Variants in AMPH observed in about 807,000 individuals in gnomAD.
AMPH encodes the protein amphiphysin, also known as amphiphysin (Stiff-Mann syndrome with breast cancer 128kD autoantigen).
A neutral mutation model predicts 99.1 loss-of-function variants in AMPH; 49 were observed. The observed-to-expected ratio is 0.49, with a 90% CI of 0.39 to 0.63. The LOEUF (loss-of-function observed/expected upper bound fraction) is 0.63, where lower values mean the gene tolerates loss of function less well. Ranked by LOEUF, AMPH falls within the 20% of genes least tolerant of loss-of-function variation. The pLI is 0.00. For missense variants in AMPH, 759 were observed against 863.4 expected, an observed-to-expected ratio of 0.88 and a Z score of 1.52; for synonymous variants, 314 against 317.3, an observed-to-expected ratio of 0.99 and a Z score of 0.11.
At chr7:38,413,878 C>T (rs116520445) in intron 17 of AMPH, among the ~76,000 whole-genome samples, 2,310 of 152,238 alleles carry the variant, frequency 0.015, 59 homozygotes, top group African/African-American at 0.053. Context: ...ACAGGGGAAA[C>T]GCTAGCTCTC....
intron 2 of AMPH, among the ~76,000 whole-genome samples, chr7:38,508,800 C>G (rs934558815): frequency 6.6e-6 from 1 of 152,148 alleles, no homozygotes; most frequent in Non-Finnish European, 1.5e-5. Flanking sequence ...GACAGGTTAA[C>G]TCAATCTTGA....
At chr7:38,620,533 A>G (rs1395956203) in intron 1 of AMPH, among the ~76,000 whole-genome samples, 1 of 127,264 alleles carries the variant, frequency 7.9e-6, no homozygotes, top group Admixed American at 7.9e-5. Flanking sequence ...CATCTATGCT[A>G]TATATATACA....
In AMPH at chr7:38,455,904, A is replaced by G. The variant is rs560957986; in HGVS notation, c.1017+5379T>C. 8.5e-5 allele frequency among the ~76,000 whole-genome samples: 13 copies of G among 152,356 alleles called. No individual in the cohort carries two copies. In the East Asian group the frequency reaches 9.7e-4, roughly 11 times the overall value. Reference sequence around the variant, plus strand: ...CAAGAAGGGAGAGGAGAGGCCTCGCACTTTCATGTACTGCTAGGAGAAATC... The same window carrying G: ...CAAGAAGGGAGAGGAGAGGCCTCGCGCTTTCATGTACTGCTAGGAGAAATC... On this transcript the variant is annotated intron_variant, in intron 11 of 20. Coordinates refer to ENST00000356264, the MANE Select transcript of AMPH (RefSeq NM_001635.4).
intron 5 of AMPH, among the ~76,000 whole-genome samples, chr7:38,481,514 T>G (rs1312805395): frequency 6.6e-6 from 1 of 152,126 alleles, no homozygotes; most frequent in Non-Finnish European, 1.5e-5. Flanking sequence ...CAAGATAGAA[T>G]CCAAACTATA....
chr7:38,590,791 T>G (rs1041774989), intron 1 of AMPH, among the ~76,000 whole-genome samples: 1 of 152,150 alleles, frequency 6.6e-6, no homozygotes, highest in African/African-American at 2.4e-5. Flanking sequence ...CTCTCAGAAG[T>G]TCCCTGGAAA....
At chr7:38,441,799 C>CAT (rs58453033) in intron 11 of AMPH, among the ~76,000 whole-genome samples, 1 of 21,612 alleles carries the variant, frequency 4.6e-5, no homozygotes, top group Non-Finnish European at 1.6e-4. Flanking sequence ...TCATATATAT[C>CAT]ATATATATAT....
At chr7:38,461,863 T>C (rs1787461503) in intron 10 of AMPH, among the ~76,000 whole-genome samples, 1 of 152,242 alleles carries the variant, frequency 6.6e-6, no homozygotes. Flanking sequence ...TTTTGAAAAG[T>C]AGAAAACTTT....
At chr7:38,484,581 T>TA (rs1221313496) in intron 5 of AMPH, among the ~76,000 whole-genome samples, 4 of 152,022 alleles carry the variant, frequency 2.6e-5, no homozygotes, top group Non-Finnish European at 4.4e-5. Flanking sequence ...GCCTACCTTA[T>TA]AAAAAATGCT....
intron 11 of AMPH, among the ~76,000 whole-genome samples, chr7:38,453,109 G>A (rs1452048296): frequency 6.6e-6 from 1 of 152,164 alleles, no homozygotes; most frequent in Non-Finnish European, 1.5e-5. Flanking sequence ...CTAGAGCCAT[G>A]TCGCTTTTCA....
At chr7:38,423,340 G>T (rs76395769) in intron 15 of AMPH, among the ~76,000 whole-genome samples, 7,117 of 152,186 alleles carry the variant, frequency 0.047, 529 homozygotes, top group African/African-American at 0.16. Flanking sequence ...TGGTAGCCAG[G>T]CTTGCACCCT....
intron 11 of AMPH, among the ~76,000 whole-genome samples, chr7:38,456,963 T>C (rs967334823): frequency 6.6e-6 from 1 of 152,206 alleles, no homozygotes; most frequent in Non-Finnish European, 1.5e-5. Context: ...CCCTAAGTCA[T>C]TGAGGAAATC....
chr7:38,594,731 T>G (rs1792988871), intron 1 of AMPH, among the ~76,000 whole-genome samples: 1 of 151,838 alleles, frequency 6.6e-6, no homozygotes, highest in South Asian at 2.1e-4. Flanking sequence ...CATGTATAGT[T>G]TAAAAAAAAA....
At chr7:38,488,840 TAAAG>T (rs1788613591) in intron 5 of AMPH, among the ~76,000 whole-genome samples, 1 of 152,056 alleles carries the variant, frequency 6.6e-6, no homozygotes, top group South Asian at 2.1e-4. Context: ...AAAAATAAAT[TAAAG>T]AAGGCACAAA....
intron 1 of AMPH, among the ~76,000 whole-genome samples, chr7:38,624,379 T>TATTAG (rs1554380218): frequency 6.6e-4 from 100 of 151,848 alleles, no homozygotes; most frequent in Middle Eastern, 6.8e-3. Context: ...CTTATTATTA[T>TATTAG]TATTAGTATT....
chr7:38,564,313 C>T (rs1041304020), intron 1 of AMPH, among the ~76,000 whole-genome samples: 1 of 152,136 alleles, frequency 6.6e-6, no homozygotes, highest in Admixed American at 6.5e-5. Flanking sequence ...AGGGACTATA[C>T]AGACTGTGAC....
intron 11 of AMPH, among the ~76,000 whole-genome samples, chr7:38,441,657 C>T (rs1389083697): frequency 2.0e-5 from 3 of 151,048 alleles, no homozygotes; most frequent in African/African-American, 4.9e-5. Context: ...GCGTTTGTCG[C>T]AGCAATATTC....
chr7:38,497,949 A>G (rs975229172), intron 3 of AMPH, among the ~76,000 whole-genome samples: 1 of 152,218 alleles, frequency 6.6e-6, no homozygotes, highest in Non-Finnish European at 1.5e-5. Context: ...AAGATCTGGC[A>G]TGTTCATCAT....
chr7:38,398,778 C>T (rs1052285561), intron 17 of AMPH, among the ~76,000 whole-genome samples: 1 of 152,178 alleles, frequency 6.6e-6, no homozygotes, highest in Non-Finnish European at 1.5e-5. Flanking sequence ...TGTCATATAT[C>T]TGTATCAAAA....
In AMPH at chr7:38,620,544, T is replaced by TACACAC. The variant is rs1348103863; in HGVS notation, c.69+10738_69+10739insGTGTGT. 1.0e-3 allele frequency among the ~76,000 whole-genome samples: 112 copies of TACACAC among 111,228 alleles called. 1 individual carries two copies. The highest frequency in any genetic ancestry group is 4.9e-3 in the Admixed American group (53 of 10,862). The allele number at this position is 111,228 out of a possible 152,430, so 73.0% of individuals were successfully genotyped here. A position where few individuals can be genotyped will look rare whatever the true frequency, so the allele number is the denominator to read the frequency against. The stretch of plus-strand genomic sequence containing the variant: ...TATGCATCTATGCTATATATATACA[T>TACACAC]ACATACACACACACACACACACACA... On this transcript the variant is annotated intron_variant, in intron 1 of 20. Coordinates refer to ENST00000356264, the MANE Select transcript of AMPH (RefSeq NM_001635.4).
Sources: gnomAD v4.1 joint callset for allele counts (sites outside exome capture counted in the v4.1 genomes callset) on GRCh38, gnomAD v4.1.1 for gene constraint, MANE v1.5 for transcripts, NCBI Gene and HGNC (gene_info 2026-07-23, HGNC 2026-07-21) for gene names.